HOOK1: variants seen among roughly 807,000 people sequenced by gnomAD.
HOOK1 encodes the protein hook microtubule tethering protein 1, also known as protein Hook homolog 1.
A neutral mutation model predicts 112.8 loss-of-function variants in HOOK1; 60 were observed. The observed-to-expected ratio is 0.53, with a 90% CI of 0.43 to 0.66. The LOEUF (loss-of-function observed/expected upper bound fraction) is 0.66, where lower values mean the gene tolerates loss of function less well. Ranked by LOEUF, HOOK1 falls within the 30% of genes least tolerant of loss-of-function variation. The probability of loss-of-function intolerance (pLI) is 0.00; values close to 1 mark genes in which losing one functional copy is unlikely to be tolerated. For missense variants in HOOK1, 770 were observed against 856.0 expected, an observed-to-expected ratio of 0.90 and a Z score of 1.25; for synonymous variants, 294 against 283.8, an observed-to-expected ratio of 1.04 and a Z score of -0.36.
chr1:59,875,820 A>G lies in HOOK1; in HGVS notation c.*2855A>G, dbSNP rs1644120417. The G allele has an allele frequency of 6.6e-6, 1 of 152,244 alleles. No homozygotes were observed. Among genetic ancestry groups the G allele is most frequent in the Non-Finnish European group, 1.5e-5 (1 of 68,042 alleles). 9.4% of individuals were successfully genotyped at this position (152,244 alleles called of 1,614,324 possible). On this transcript the variant is annotated 3_prime_UTR_variant, in exon 22 of 22. Transcript: ENST00000371208. ...ATTTTTTCGATGAATAAGGCTGTCA[A>G]ATGATTTAGTATAGATTAATGACAT...
At chr1:59,849,010 C>CAA in intron 11 of HOOK1, 63 bp from the exon 12 acceptor site, 1 of 857,594 alleles carries the variant, frequency 1.2e-6, no homozygotes, top group Non-Finnish European at 1.8e-6. Flanking sequence ...TTCTGAAAGA[C>CAA]TATTGAGATT....
chr1:59,873,190 G>T lies in HOOK1; in HGVS notation c.*225G>T. The T allele has an allele frequency of 2.8e-6, 1 of 353,416 alleles. No individual in the cohort carries two copies. 21.9% of individuals were successfully genotyped at this position (353,416 alleles called of 1,614,324 possible). On this transcript the variant is annotated 3_prime_UTR_variant, in exon 22 of 22. Coordinates refer to ENST00000371208, the MANE Select transcript of HOOK1 (RefSeq NM_015888.6). ...GGAGCACATTTGAATAATTGGAGATGCAGTTATACACACATTTCAAACAAA... is the reference window on the plus strand; with the variant it reads ...GGAGCACATTTGAATAATTGGAGATTCAGTTATACACACATTTCAAACAAA...
chr1:59,843,632 T>C, intron 9 of HOOK1, 34 bp downstream of exon 9: 1 of 1,550,314 alleles, frequency 6.5e-7, no homozygotes, highest in African/African-American at 1.4e-5. Context: ...TTTATGGAGT[T>C]CTGTCTATTA....
At chr1:59,872,773 A>G in intron 21 of HOOK1, 22 bp from the exon 22 acceptor site, 1 of 1,382,452 alleles carries the variant, frequency 7.2e-7, no homozygotes, top group Non-Finnish European at 9.5e-7. Flanking sequence ...TTAAATAAAA[A>G]ATATATGTTT....
chr1:59,851,353 G>A (rs2098407050), intron 12 of HOOK1, among the ~76,000 whole-genome samples: 1 of 151,546 alleles, frequency 6.6e-6, no homozygotes, highest in African/African-American at 2.4e-5. Flanking sequence ...TTTCAACAAT[G>A]TTTTGTAGTT....
intron 12 of HOOK1, among the ~76,000 whole-genome samples, chr1:59,849,456 T>C (rs1013854424): frequency 2.0e-5 from 3 of 151,654 alleles, no homozygotes; most frequent in African/African-American, 7.2e-5. Context: ...TCAAGGACCA[T>C]AGATAATAAT....
intron 9 of HOOK1, among the ~76,000 whole-genome samples, chr1:59,845,482 C>G (rs2098403216): frequency 6.6e-6 from 1 of 151,816 alleles, no homozygotes; most frequent in Non-Finnish European, 1.5e-5. Context: ...TAGGATCCGT[C>G]AAGTATGATG....
At chr1:59,865,805 G>A (rs890224425) in intron 18 of HOOK1, 67 bp from the exon 19 acceptor site, 7 of 587,056 alleles carry the variant, frequency 1.2e-5, no homozygotes, top group Admixed American at 6.2e-5. Flanking sequence ...TTTATGTGAG[G>A]ATGAAGTATT....
rs754492519 is a variant in HOOK1 at position 59,832,196 on chromosome 1, A to G, written c.256A>G (p.Met86Val). ...TGTAAAGAAGGTCCTTCAAGGAATTATGAGTTATTATCATGAGGTATGAAA... is the reference window on the plus strand; with the variant it reads ...TGTAAAGAAGGTCCTTCAAGGAATTGTGAGTTATTATCATGAGGTATGAAA... ...SNVKKVLQGIMSYYHEFLGQQ... is the reference protein window; with the variant it reads ...SNVKKVLQGIVSYYHEFLGQQ... Residue 86 changes from methionine (M) to valine (V), a missense_variant, in exon 4 of 22, where the codon ATG becomes GTG. Physicochemically the swap from Met to Val is conservative, Grantham distance 21. Transcript: ENST00000371208. 5 of 1,558,858 alleles carry G rather than the reference A, an allele frequency of 3.2e-6. No individual in the cohort carries two copies. The East Asian group carries it at 9.3e-5, about 29-fold the overall frequency.
At position 59,823,186 on chromosome 1, in the gene HOOK1, G is replaced by A. The variant is rs375308102; in HGVS notation, c.149+1243G>A. Among the ~76,000 whole-genome samples, 11 of 152,140 alleles carry A rather than the reference G, an allele frequency of 7.2e-5. No homozygotes were observed. In the East Asian group the frequency reaches 1.4e-3, roughly 19 times the overall value. ...ATACAAAAAATTAGCCAGGCATGGT[G>A]GCGGGCGCCTGTAGTCCCAGCTACT... is the stretch of plus-strand genomic sequence containing the variant. On this transcript the variant is annotated intron_variant, in intron 2 of 21. Coordinates refer to ENST00000371208, the MANE Select transcript of HOOK1 (RefSeq NM_015888.6).
intron 20 of HOOK1, among the ~76,000 whole-genome samples, chr1:59,869,228 G>A (rs1477361113): frequency 6.7e-6 from 1 of 148,602 alleles, no homozygotes; most frequent in South Asian, 2.1e-4. Flanking sequence ...GTCTTGCTCT[G>A]TCGCCCAGGC....
rs1309769573 is a variant in HOOK1, at chr1:59,848,370, A to C, written c.985A>C (p.Lys329Gln). ...GTCAACAGTTGAGATATATCGTCAG[A>C]AGCTACAAGATCTGAATGACCTTCG... ...LESTVEIYRQ[K>Q]LQDLNDLRKQ... is the part of the protein sequence containing the mutation. Residue 329 changes from lysine (K) to glutamine (Q), a missense_variant, in exon 11 of 22, where the codon AAG (lysine) becomes CAG (glutamine). Around this residue, in one of 3 missense-constraint regions of HOOK1, gnomAD observed 655 missense variants for 725.9 expected, o/e 0.90. Coordinates refer to ENST00000371208, the MANE Select transcript of HOOK1 (RefSeq NM_015888.6). 4 of 1,611,274 alleles carry C rather than the reference A, an allele frequency of 2.5e-6. No homozygotes were observed. The highest frequency in any genetic ancestry group is 3.4e-6 in the Non-Finnish European group (4 of 1,178,132).
intron 19 of HOOK1, among the ~76,000 whole-genome samples, chr1:59,866,452 T>G (rs1202428329): frequency 1.3e-5 from 2 of 152,176 alleles, no homozygotes; most frequent in Non-Finnish European, 2.9e-5. Flanking sequence ...ACACTCAAGG[T>G]TTAAAAAGGT....
intron 11 of HOOK1, among the ~76,000 whole-genome samples, 187 bp downstream of exon 11, chr1:59,848,703 C>T (rs2098405501): frequency 6.6e-6 from 1 of 151,250 alleles, no homozygotes; most frequent in South Asian, 2.1e-4. Context: ...TTATCTGGGT[C>T]TTTTACCTTT....
chr1:59,848,629 A>G (rs1230123405), intron 11 of HOOK1, 113 bp downstream of exon 11: 1 of 685,400 alleles, frequency 1.5e-6, no homozygotes, highest in Admixed American at 2.9e-5. Context: ...GTAATAAGCT[A>G]TGAACTTATT....
In HOOK1 at chr1:59,846,952, AT is replaced by A. The variant is rs2098404387; in HGVS notation, c.789-92del. On this transcript the variant is annotated intron_variant, in intron 9 of 21. Coordinates refer to ENST00000371208, the MANE Select transcript of HOOK1 (RefSeq NM_015888.6). ...TATATTTTATTGTGTTGAGTGTTAT[AT>A]ATGCATTTGCATATATAGTCATGCA... 7.8e-6 allele frequency: 7 copies of A among 892,500 alleles called. No homozygotes were observed. In the South Asian group the frequency reaches 1.4e-4, roughly 18 times the overall value. 55.3% of individuals were successfully genotyped at this position (892,500 alleles called of 1,614,324 possible). A position where few individuals can be genotyped will look rare whatever the true frequency, so the allele number is the denominator to read the frequency against.
At chr1:59,817,553 C>T (rs139659111) in intron 1 of HOOK1, among the ~76,000 whole-genome samples, 4 of 152,080 alleles carry the variant, frequency 2.6e-5, no homozygotes, top group African/African-American at 4.8e-5. Context: ...CCTCACCTAC[C>T]CAACTTTCTC....
intron 19 of HOOK1, 132 bp from the exon 20 acceptor site, chr1:59,868,117 CA>C (rs1456306712): frequency 1.7e-6 from 1 of 577,954 alleles, no homozygotes; most frequent in Non-Finnish European, 3.1e-6. Flanking sequence ...GATTGTAAAA[CA>C]AGCTACAGTT....
intron 1 of HOOK1, among the ~76,000 whole-genome samples, chr1:59,819,482 C>T (rs914441297): frequency 3.3e-5 from 5 of 152,156 alleles, no homozygotes; most frequent in Non-Finnish European, 7.4e-5. Flanking sequence ...ATTCACTCTT[C>T]TTGGTTGTAA....
Sources: allele counts gnomAD v4.1 joint callset (sites outside exome capture counted in the v4.1 genomes callset), GRCh38; gene constraint gnomAD v4.1.1; regional missense constraint gnomAD v4.1.1; transcripts MANE v1.5; gene names NCBI Gene and HGNC (gene_info 2026-07-23, HGNC 2026-07-21).